Variants in LYST observed in about 807,000 individuals in gnomAD.
The protein encoded by LYST is lysosomal trafficking regulator, also known as lysosomal-trafficking regulator.
In LYST, 192 loss-of-function variants were observed where a neutral mutation model predicts 413.6. The observed-to-expected ratio is 0.46, with a 90% confidence interval of 0.41 to 0.52. The LOEUF is 0.52. Ranked by LOEUF, LYST falls within the 20% of genes least tolerant of loss-of-function variation. The pLI is 0.00. For synonymous variants in LYST, 1,525 were observed against 1,567.3 expected (o/e 0.97, Z 0.64); for missense variants, 3,815 against 4,499.9 (o/e 0.85, Z 4.35).
At position 235,820,097 on chromosome 1, in the gene LYST, A is replaced by G. The variant is rs78884047; in HGVS notation, c.193-7036T>C. The stretch of plus-strand genomic sequence containing the variant: ...ATATTTCAAGTACCAACAAGGTGCC[A>G]GGCACTGGCCCTTTTCATAACTATT... On this transcript the variant is annotated intron_variant, in intron 3 of 52. Coordinates refer to ENST00000389793, the MANE Select transcript of LYST (RefSeq NM_000081.4). Among the ~76,000 whole-genome samples, 1,096 of 152,376 alleles carry G rather than the reference A, an allele frequency of 7.2e-3. 19 individuals are homozygous for G. The highest frequency in any genetic ancestry group is 0.026 in the African/African-American group (1,068 of 41,592).
At chr1:235,780,701 T>C (rs920856823) in intron 16 of LYST, among the ~76,000 whole-genome samples, 164 bp downstream of exon 16, 4 of 151,874 alleles carry the variant, frequency 2.6e-5, no homozygotes, top group Non-Finnish European at 2.9e-5. Flanking sequence ...TGAAAGGAGA[T>C]CAAAGTGTTT....
chr1:235,793,435 A>G (rs1207500167), intron 11 of LYST, 68 bp downstream of exon 11: 11 of 760,518 alleles, frequency 1.4e-5, no homozygotes, highest in Admixed American at 6.9e-5. Flanking sequence ...AATTAAAAAT[A>G]CATTCTATTA....
chr1:235,850,319 C>T (rs1242166931), intron 1 of LYST, among the ~76,000 whole-genome samples: 1 of 152,078 alleles, frequency 6.6e-6, no homozygotes, highest in African/African-American at 2.4e-5. Flanking sequence ...AATCAGCTAG[C>T]CGCATGTAGG....
In LYST at chr1:235,808,608, G is replaced by C. The variant is rs769831533; in HGVS notation, c.2210C>G (p.Pro737Arg). ...QWKLYNYIFN[P>R]VLQRGVELAH... ...TAATTCAACTCCTCTTTGGAGCACA[G>C]GATTAAATATGTAATTATATAATTT... Residue 737 changes from proline (P) to arginine (R), a missense_variant, in exon 5 of 53, where the codon CCT becomes CGT. Pro to Arg is a moderately radical substitution (Grantham distance 103, BLOSUM62 -2). This residue lies in a region of LYST where 1,648 missense variants were observed against 1,810.3 expected (regional missense o/e 0.91). Coordinates refer to ENST00000389793, the MANE Select transcript of LYST (RefSeq NM_000081.4). The C allele has an allele frequency of 6.2e-7, 1 of 1,613,820 alleles. No homozygotes were observed. The highest frequency in any genetic ancestry group is 8.5e-7 in the Non-Finnish European group (1 of 1,179,856).
chr1:235,877,471 G>A (rs945379271), intron 1 of LYST, among the ~76,000 whole-genome samples: 1 of 152,108 alleles, frequency 6.6e-6, no homozygotes, highest in Non-Finnish European at 1.5e-5. Flanking sequence ...GCAATGACAC[G>A]ATCTCCCTCA....
At chr1:235,746,889 G>A (rs1665973957) in intron 28 of LYST, among the ~76,000 whole-genome samples, 1 of 152,096 alleles carries the variant, frequency 6.6e-6, no homozygotes, top group African/African-American at 2.4e-5. Context: ...CCAAAATCAA[G>A]TTTTAATGCA....
At chr1:235,683,332 C>T (rs1659971667) in intron 48 of LYST, among the ~76,000 whole-genome samples, 1 of 152,198 alleles carries the variant, frequency 6.6e-6, no homozygotes, top group Non-Finnish European at 1.5e-5. Context: ...CTGCCACTCT[C>T]AAGTTAGATA....
chr1:235,790,800 TTA>T (rs545192484), intron 12 of LYST, among the ~76,000 whole-genome samples: 149 of 152,246 alleles, frequency 9.8e-4, no homozygotes, highest in African/African-American at 3.5e-3. Context: ...AATTCTTCAG[TTA>T]AAGAAGGAAC....
At chr1:235,882,482 G>A (rs1282636605) in intron 1 of LYST, among the ~76,000 whole-genome samples, 1 of 152,178 alleles carries the variant, frequency 6.6e-6, no homozygotes, top group Non-Finnish European at 1.5e-5. Flanking sequence ...AAGAGAATGT[G>A]GGCAGTTGCC....
At chr1:235,714,805 C>T (rs6664328) in intron 42 of LYST, among the ~76,000 whole-genome samples, 8,247 of 152,178 alleles carry the variant, frequency 0.054, 763 homozygotes, top group African/African-American at 0.19. Context: ...ATGTACTTGC[C>T]TTTATAATAA....
intron 11 of LYST, among the ~76,000 whole-genome samples, 160 bp downstream of exon 11, chr1:235,793,343 T>C (rs1366214507): frequency 6.6e-6 from 1 of 152,242 alleles, no homozygotes; most frequent in Non-Finnish European, 1.5e-5. Flanking sequence ...ATGCAAATAA[T>C]TGAGTATTTC....
intron 34 of LYST, 95 bp from the exon 35 acceptor site, chr1:235,731,272 A>G: frequency 9.7e-7 from 1 of 1,035,238 alleles, no homozygotes; most frequent in Non-Finnish European, 1.5e-6. Context: ...GTAAGTCACA[A>G]CTGATCTGTT....
chr1:235,772,965 T>C (rs1572212021), intron 19 of LYST, among the ~76,000 whole-genome samples: 1 of 152,182 alleles, frequency 6.6e-6, no homozygotes, highest in Non-Finnish European at 1.5e-5. Context: ...ATAATTAACA[T>C]TACAATGAAG....
chr1:235,749,759 C>A (rs1451505488), intron 28 of LYST, among the ~76,000 whole-genome samples: 1 of 152,088 alleles, frequency 6.6e-6, no homozygotes, highest in African/African-American at 2.4e-5. Flanking sequence ...AGTTCATTAT[C>A]TGTTTTAAAA....
intron 31 of LYST, chr1:235,737,561 A>G (rs1397055550): frequency 2.0e-5 from 3 of 152,244 alleles, no homozygotes; most frequent in Admixed American, 2.0e-4. Context: ...AAGGAATTGC[A>G]TAAGGTGGGC....
At chr1:235,828,212 G>C (rs1309314465) in intron 3 of LYST, 2 of 922,310 alleles carry the variant, frequency 2.2e-6, no homozygotes. Context: ...ACATAAAAGA[G>C]AAAGCATAAA....
intron 34 of LYST, among the ~76,000 whole-genome samples, chr1:235,733,012 A>T (rs781677098): frequency 6.6e-6 from 1 of 152,164 alleles, no homozygotes; most frequent in Non-Finnish European, 1.5e-5. Flanking sequence ...ATATCCTATT[A>T]TCTTCTACTT....
upstream of LYST, among the ~76,000 whole-genome samples, chr1:235,871,831 G>A (rs1314970430): frequency 6.6e-6 from 1 of 152,108 alleles, no homozygotes; most frequent in African/African-American, 2.4e-5. Flanking sequence ...TCCCTTTTCC[G>A]GTGACAGTAT....
chr1:235,854,836 T>A lies in LYST; in HGVS notation c.-98+12007A>T, dbSNP rs1678977006. ...CTTGCAATACTAACAACCTCCTACT[T>A]GATCACACTGTCTGGTCTATTTTCT... On this transcript the variant is annotated intron_variant, in intron 1 of 52. Coordinates refer to ENST00000389793, the MANE Select transcript of LYST (RefSeq NM_000081.4). The surrounding 1 kb of genome is among the most constrained non-coding windows in gnomAD (Gnocchi z 4.1). 6.6e-6 allele frequency among the ~76,000 whole-genome samples: 1 copy of A among 152,180 alleles called. No individual in the cohort carries two copies. The highest frequency in any genetic ancestry group is 2.1e-4 in the South Asian group (1 of 4,828).
Sources: gnomAD v4.1 joint callset for allele counts (sites outside exome capture counted in the v4.1 genomes callset) on GRCh38, gnomAD v4.1.1 for gene constraint, gnomAD v4.1.1 regional missense constraint, Gnocchi (gnomAD v3.1) non-coding constraint, MANE v1.5 for transcripts, NCBI Gene and HGNC (gene_info 2026-07-23, HGNC 2026-07-21) for gene names.